The following LIMCH1 variants were observed in gnomAD, a reference collection of about 807,000 sequenced individuals.
LIMCH1 encodes LIM and calponin homology domains 1.
Under a neutral mutation model 176.5 loss-of-function variants are expected in LIMCH1, and 113 were observed. The observed-to-expected ratio is 0.64, with a 90% CI of 0.55 to 0.75. LIMCH1 has a LOEUF of 0.75. LIMCH1 is among the 30% of genes least tolerant of loss of function. The pLI, the probability that LIMCH1 is intolerant of heterozygous loss-of-function variation, is 0.00. For synonymous variants in LIMCH1, 619 were observed against 645.9 expected (o/e 0.96, Z 0.63); for missense variants, 1,674 against 1,814.9 (o/e 0.92, Z 1.41).
chr4:41,507,796 A>T (rs1583279554), intron 2 of LIMCH1, among the ~76,000 whole-genome samples: 2 of 143,696 alleles, frequency 1.4e-5, no homozygotes, highest in Admixed American at 1.4e-4. Context: ...GAACCCACTT[A>T]TGAGTGTGGT....
At chr4:41,598,233 A>T (rs1425842149) in intron 1 of LIMCH1, among the ~76,000 whole-genome samples, 1 of 152,202 alleles carries the variant, frequency 6.6e-6, no homozygotes, top group African/African-American at 2.4e-5. Context: ...CTTAAAATAG[A>T]TGAAGACAGA....
intron 1 of LIMCH1, among the ~76,000 whole-genome samples, chr4:41,494,273 A>G (rs1477951373): frequency 6.6e-6 from 1 of 150,518 alleles, no homozygotes; most frequent in Non-Finnish European, 1.5e-5. Flanking sequence ...CGTTTTTTTC[A>G]AGATTATTGA....
chr4:41,469,260 G>A (rs565525104), intron 1 of LIMCH1, among the ~76,000 whole-genome samples: 3 of 152,174 alleles, frequency 2.0e-5, no homozygotes, highest in African/African-American at 7.2e-5. Context: ...TGTTGATCTT[G>A]CTCCTTCTTC....
chr4:41,600,527 TA>T (rs200104605), intron 2 of LIMCH1, among the ~76,000 whole-genome samples: 2,701 of 152,230 alleles, frequency 0.018, 75 homozygotes, highest in African/African-American at 0.06. Context: ...ATCAGTATGT[TA>T]CTAAACCAGA....
At chr4:41,384,430 G>A (rs940321227) in intron 1 of LIMCH1, among the ~76,000 whole-genome samples, 6 of 151,672 alleles carry the variant, frequency 4.0e-5, no homozygotes, top group Non-Finnish European at 8.8e-5. Flanking sequence ...GGATGGTCTC[G>A]ATCTCCTGAC....
In LIMCH1 at chr4:41,662,971, T is replaced by C. The variant is rs2094680531; in HGVS notation, c.3278T>C (p.Val1093Ala). The C allele has an allele frequency of 1.9e-6, 3 of 1,613,766 alleles. No individual in the cohort carries two copies. Among genetic ancestry groups the C allele is most frequent in the Middle Eastern group, 1.7e-4 (1 of 6,058 alleles). The change falls in exon 20 of 32, where the codon GTG becomes GCG. Residue 1093 changes from valine to alanine, a missense_variant. Transcript: ENST00000503057. ...GAAATGAGTGGAAAGGTGGAGTTGGTGCTGTCACAAAAGGTGAAGTGCAGA... is the reference window on the plus strand; with the variant it reads ...GAAATGAGTGGAAAGGTGGAGTTGGCGCTGTCACAAAAGGTGAAGTGCAGA... The part of the protein sequence containing the change: ...ENEMSGKVEL[V>A]LSQKVVKPKS...
chr4:41,684,642 A>G, intron 27 of LIMCH1, 124 bp downstream of exon 27: 2 of 1,024,692 alleles, frequency 2.0e-6, no homozygotes, highest in South Asian at 4.1e-5. Flanking sequence ...CTTCTAGCTT[A>G]TGCCCAATAT....
intron 18 of LIMCH1, among the ~76,000 whole-genome samples, chr4:41,656,507 C>G (rs1301869819): frequency 6.6e-6 from 1 of 152,052 alleles, no homozygotes; most frequent in Non-Finnish European, 1.5e-5. Flanking sequence ...ATCCAGTTAC[C>G]TGGGTCAAAA....
chr4:41,508,489 G>A (rs1339717230), intron 2 of LIMCH1, among the ~76,000 whole-genome samples: 1 of 152,120 alleles, frequency 6.6e-6, no homozygotes, highest in African/African-American at 2.4e-5. Context: ...TCTTAGAGGT[G>A]AGACGATGCA....
chr4:41,425,273 T>C (rs933898651), intron 1 of LIMCH1, among the ~76,000 whole-genome samples: 2 of 152,220 alleles, frequency 1.3e-5, no homozygotes, highest in African/African-American at 4.8e-5. Flanking sequence ...CATGAACTGA[T>C]CCTGTCTCAT....
chr4:41,595,237 G>A (rs147494013), intron 1 of LIMCH1, among the ~76,000 whole-genome samples: 20 of 152,246 alleles, frequency 1.3e-4, no homozygotes, highest in African/African-American at 3.9e-4. Flanking sequence ...TTTGTTTGCC[G>A]TTGGGAGGGA....
intron 25 of LIMCH1, 115 bp downstream of exon 25, chr4:41,681,174 T>C: frequency 1.7e-6 from 1 of 584,910 alleles, no homozygotes; most frequent in Non-Finnish European, 3.1e-6. Context: ...GACTAGCTAT[T>C]CCCCTAGAAT....
chr4:41,423,652 G>A (rs1379160353), intron 1 of LIMCH1, among the ~76,000 whole-genome samples: 1 of 151,958 alleles, frequency 6.6e-6, no homozygotes, highest in Non-Finnish European at 1.5e-5. Flanking sequence ...GGAGAGTGAG[G>A]GTGGGACCAA....
At chr4:41,604,720 A>G (rs1181352345) in intron 3 of LIMCH1, among the ~76,000 whole-genome samples, 3 of 152,114 alleles carry the variant, frequency 2.0e-5, no homozygotes, top group Admixed American at 2.0e-4. Flanking sequence ...TAGTTATTTT[A>G]TGGTCCTAGT....
chr4:41,582,523 G>A (rs2085678624), intron 1 of LIMCH1, among the ~76,000 whole-genome samples: 1 of 152,204 alleles, frequency 6.6e-6, no homozygotes, highest in African/African-American at 2.4e-5. Flanking sequence ...CAGTGTAGTG[G>A]TAAGGGGTAG....
At chr4:41,487,728 G>A (rs1431429876) in intron 1 of LIMCH1, among the ~76,000 whole-genome samples, 2 of 137,154 alleles carry the variant, frequency 1.5e-5, no homozygotes, top group Non-Finnish European at 3.0e-5. Flanking sequence ...GTGTGATCTC[G>A]GCTCACTGCA....
chr4:41,452,661 A>C (rs1388306533), intron 1 of LIMCH1, among the ~76,000 whole-genome samples: 1 of 151,962 alleles, frequency 6.6e-6, no homozygotes, highest in African/African-American at 2.4e-5. Context: ...TCACCATTCC[A>C]CTCTCAGGAG....
At position 41,603,890 on chromosome 4, in the gene LIMCH1, T is replaced by C. The variant is rs2090328193; in HGVS notation, c.-118T>C. ...CCTTGACTAGGAGCCTTGATTATAG[T>C]AGGAAGCTGAAAAATGTAAGTGTTT... On this transcript the variant is annotated 5_prime_UTR_variant, in exon 3 of 32. Transcript: ENST00000503057. The C allele has an allele frequency of 1.9e-6, 3 of 1,607,882 alleles. No individual in the cohort carries two copies. Among genetic ancestry groups the C allele is most frequent in the Admixed American group, 1.7e-5 (1 of 59,950 alleles).
chr4:41,689,401 A>AT (rs1723565527), intron 29 of LIMCH1, 126 bp from the exon 30 acceptor site: 8 of 569,118 alleles, frequency 1.4e-5, no homozygotes, highest in Non-Finnish European at 2.2e-5. Flanking sequence ...TGTCATTCTC[A>AT]TTTCATTCAT....
Sources: gnomAD v4.1 joint callset for allele counts (sites outside exome capture counted in the v4.1 genomes callset) on GRCh38, gnomAD v4.1.1 for gene constraint, MANE v1.5 for transcripts, NCBI Gene and HGNC (gene_info 2026-07-23, HGNC 2026-07-21) for gene names.